Variants in PLXNA2 observed in about 807,000 individuals in gnomAD.
The protein encoded by PLXNA2 is plexin A2.
Under a neutral mutation model 193.5 loss-of-function variants are expected in PLXNA2, and 91 were observed. The ratio of observed to expected loss-of-function variants is 0.47; its 90% CI spans 0.40 to 0.56. PLXNA2 has a LOEUF of 0.56. Ranked by LOEUF, PLXNA2 falls within the 20% of genes least tolerant of loss-of-function variation. The pLI is 0.00. For missense variants in PLXNA2, 1,995 were observed against 2,503.2 expected (o/e 0.80, Z 4.33); for synonymous variants, 997 against 1,027.3 (o/e 0.97, Z 0.56).
intron 14 of PLXNA2, among the ~76,000 whole-genome samples, chr1:208,053,449 G>C (rs148999267): frequency 6.6e-6 from 1 of 152,366 alleles, no homozygotes; most frequent in Non-Finnish European, 1.5e-5. Context: ...TAGGTTGGCT[G>C]CAGATAGGGC....
At chr1:208,084,625 T>C (rs1477734542) in intron 9 of PLXNA2, 45 bp from the exon 10 acceptor site, 1 of 1,577,950 alleles carries the variant, frequency 6.3e-7, no homozygotes, top group South Asian at 1.1e-5. Flanking sequence ...CTGTTCATGC[T>C]GTCCTATGTG....
Position 208,156,776 on chromosome 1 carries a change from T to G in PLXNA2, c.1372-14313A>C, listed in dbSNP as rs78099369. 6.7e-3 allele frequency among the ~76,000 whole-genome samples: 1,020 copies of G among 152,306 alleles called. 9 individuals carry two copies. The highest frequency in any genetic ancestry group is 0.024 in the African/African-American group (994 of 41,564). On this transcript the variant is annotated intron_variant, in intron 3 of 31. Coordinates refer to ENST00000367033, the MANE Select transcript of PLXNA2 (RefSeq NM_025179.4). The stretch of plus-strand genomic sequence containing the variant: ...CTATATAGTTCATTTTATTCAACTT[T>G]TAGCAGAGTGCCAAGCATGACAGGG...
intron 5 of PLXNA2, among the ~76,000 whole-genome samples, chr1:208,101,876 G>A (rs553443456): frequency 5.9e-5 from 9 of 152,182 alleles, no homozygotes; most frequent in Non-Finnish European, 1.3e-4. Context: ...TTTGCACAGA[G>A]CTGGCAGCAG....
At chr1:208,237,568 G>A (rs11119019) in intron 1 of PLXNA2, among the ~76,000 whole-genome samples, 5,103 of 152,260 alleles carry the variant, frequency 0.034, 284 homozygotes, top group African/African-American at 0.11. Flanking sequence ...AGAGAAGAAC[G>A]AGGGGAAAAC....
chr1:208,079,459 A>C lies in PLXNA2; in HGVS notation c.2396-9T>G. 1 of 1,560,978 alleles carries C rather than the reference A, an allele frequency of 6.4e-7. No individual in the cohort carries two copies. The highest frequency in any genetic ancestry group is 8.7e-7 in the Non-Finnish European group (1 of 1,146,004). Reference sequence around the variant, plus strand: ...ACACTTGTAGAGATGGACTGCAAAGAGAGCAGGTGGTCACAGATGAAACCA... The same window carrying C: ...ACACTTGTAGAGATGGACTGCAAAGCGAGCAGGTGGTCACAGATGAAACCA... On this transcript the variant is annotated splice_polypyrimidine_tract_variant and intron_variant, in intron 11 of 31. Transcript: ENST00000367033.
chr1:208,220,264 C>T (rs1325502555), intron 1 of PLXNA2, among the ~76,000 whole-genome samples: 1 of 152,092 alleles, frequency 6.6e-6, no homozygotes, highest in Non-Finnish European at 1.5e-5. Context: ...AATCTGGGAA[C>T]AAATTTGGGA....
chr1:208,236,786 T>C lies in PLXNA2; in HGVS notation c.-81+6857A>G, dbSNP rs1671870319. ...ACTGGAATCTAGTGGTTCTTTACAT[T>C]GTGGAGGGGGCAAGAACTCCTTCTC... is the stretch of plus-strand genomic sequence containing the variant. On this transcript the variant is annotated intron_variant, in intron 1 of 31. Transcript: ENST00000367033. The surrounding 1 kb of genome is among the most constrained non-coding windows in gnomAD (Gnocchi z 4.4). Among the ~76,000 whole-genome samples the C allele has an allele frequency of 6.6e-6, 1 of 152,162 alleles. No individual in the cohort carries two copies. Among genetic ancestry groups the C allele is most frequent in the African/African-American group, 2.4e-5 (1 of 41,444 alleles).
intron 3 of PLXNA2, among the ~76,000 whole-genome samples, chr1:208,195,013 A>G (rs1259454777): frequency 6.6e-6 from 1 of 152,156 alleles, no homozygotes; most frequent in Non-Finnish European, 1.5e-5. Flanking sequence ...GTGGTGATGG[A>G]TTGGTAAGAC....
At chr1:208,045,856 GC>G (rs765676442) in intron 18 of PLXNA2, 21 bp downstream of exon 18, 2 of 1,613,146 alleles carry the variant, frequency 1.2e-6, no homozygotes, top group Non-Finnish European at 1.7e-6. Flanking sequence ...TGGTGGCACT[GC>G]CCTCTGGCGG....
At chr1:208,221,798 G>T (rs570882781) in intron 1 of PLXNA2, among the ~76,000 whole-genome samples, 1 of 152,310 alleles carries the variant, frequency 6.6e-6, no homozygotes, top group East Asian at 1.9e-4. Context: ...TGTGCCTCTG[G>T]TGAGAGGCAG....
At chr1:208,169,677 G>T (rs1481813781) in intron 3 of PLXNA2, among the ~76,000 whole-genome samples, 1 of 152,212 alleles carries the variant, frequency 6.6e-6, no homozygotes, top group Non-Finnish European at 1.5e-5. Context: ...GAAGAAAAGA[G>T]ACAGCATGTT....
At position 208,096,865 on chromosome 1, in the gene PLXNA2, C is replaced by T. The variant is rs1666914752; in HGVS notation, c.1750G>A (p.Asp584Asn). 6.2e-7 allele frequency: 1 copy of T among 1,613,708 alleles called. No individual in the cohort carries two copies. Among genetic ancestry groups the T allele is most frequent in the African/African-American group, 1.3e-5 (1 of 74,890 alleles). ...HSRLLSLVVS[D>N]APDLSAGIAC... ...ATACCCGCAGATAGATCAGGAGCAT[C>T]ACTCACTACCAGGCTAAGCTGTGGG... The change falls in exon 7 of 32, where the codon GAT (aspartate) becomes AAT (asparagine). Residue 584 changes from aspartate to asparagine, a missense_variant. This residue lies in a region of PLXNA2 where 702 missense variants were observed against 812.9 expected (regional missense o/e 0.86). Coordinates refer to ENST00000367033, the MANE Select transcript of PLXNA2 (RefSeq NM_025179.4).
chr1:208,174,735 A>C (rs929144103), intron 3 of PLXNA2, among the ~76,000 whole-genome samples: 1 of 152,036 alleles, frequency 6.6e-6, no homozygotes, highest in Admixed American at 6.5e-5. Context: ...TGAAACTCAA[A>C]CCCCACAATG....
chr1:208,122,838 G>C (rs1258429727), intron 4 of PLXNA2, among the ~76,000 whole-genome samples: 1 of 152,154 alleles, frequency 6.6e-6, no homozygotes, highest in Non-Finnish European at 1.5e-5. Flanking sequence ...GGTGGTGGTT[G>C]CCAGGGGAAG....
intron 6 of PLXNA2, among the ~76,000 whole-genome samples, chr1:208,098,265 T>C (rs1480195866): frequency 6.6e-6 from 1 of 152,192 alleles, no homozygotes; most frequent in African/African-American, 2.4e-5. Flanking sequence ...CATTCGTGAA[T>C]GCTCATAAAA....
intron 3 of PLXNA2, among the ~76,000 whole-genome samples, chr1:208,191,719 C>T (rs1444798770): frequency 1.3e-5 from 2 of 152,216 alleles, no homozygotes; most frequent in Non-Finnish European, 2.9e-5. Context: ...GATACTTTGG[C>T]CCCAAGGCCT....
intron 4 of PLXNA2, among the ~76,000 whole-genome samples, chr1:208,128,607 GCCTCCTTTTCATAGATATTTT>G (rs1668042548): frequency 6.6e-6 from 1 of 151,738 alleles, no homozygotes; most frequent in East Asian, 1.9e-4. Flanking sequence ...AAACTAGAAT[GCCTCCTTTTCATAGATATTTT>G]CCTTTGTTTC....
intron 3 of PLXNA2, among the ~76,000 whole-genome samples, chr1:208,165,550 G>A (rs939059956): frequency 2.0e-5 from 3 of 152,018 alleles, no homozygotes; most frequent in Middle Eastern, 3.2e-3. Context: ...GATTTTGTTC[G>A]CCTTAACCCT....
chr1:208,164,948 G>A (rs529611530), intron 3 of PLXNA2, among the ~76,000 whole-genome samples: 32 of 152,348 alleles, frequency 2.1e-4, no homozygotes, highest in Middle Eastern at 6.8e-3. Flanking sequence ...GCCTTGCCAG[G>A]GGAATTACAG....
Sources: gnomAD v4.1 joint callset for allele counts (sites outside exome capture counted in the v4.1 genomes callset) on GRCh38, gnomAD v4.1.1 for gene constraint, gnomAD v4.1.1 regional missense constraint, Gnocchi (gnomAD v3.1) non-coding constraint, MANE v1.5 for transcripts, NCBI Gene and HGNC (gene_info 2026-07-23, HGNC 2026-07-21) for gene names.